Variants in GSDME observed in about 807,000 individuals in gnomAD.
GSDME encodes the protein gasdermin-E.
A neutral mutation model predicts 47.5 loss-of-function variants in GSDME; 44 were observed. The observed-to-expected ratio is 0.93, with a 90% CI of 0.73 to 1.19. GSDME has a LOEUF of 1.19. GSDME is among the 50% of genes most tolerant of loss of function. The pLI, the probability that GSDME is intolerant of heterozygous loss-of-function variation, is 0.00. For missense variants in GSDME, 663 were observed against 604.2 expected, an observed-to-expected ratio of 1.10 and a Z score of -1.02; for synonymous variants, 258 against 252.8, an observed-to-expected ratio of 1.02 and a Z score of -0.20.
At chr7:24,777,903 A>G in the GSDME span, among the ~76,000 whole-genome samples, 1 of 152,062 alleles carries the variant, frequency 6.6e-6, no homozygotes, top group Middle Eastern at 3.2e-3. Context: ...TGAAACCATA[A>G]TTCTTTTTCC....
rs1425738162 is a variant in GSDME, at chr7:24,698,949, T to C, written c.*77A>G. 12 of 987,096 alleles carry C rather than the reference T, an allele frequency of 1.2e-5. No individual in the cohort carries two copies. Among genetic ancestry groups the C allele is most frequent in the Non-Finnish European group, 1.9e-5 (12 of 629,084 alleles). 61.1% of individuals were successfully genotyped at this position (987,096 alleles called of 1,614,324 possible). The stretch of plus-strand genomic sequence containing the variant: ...GTAAATTCATTTCATTGGTCAACTT[T>C]TAACGTGCATATGACCTTTAACAGT... On this transcript the variant is annotated 3_prime_UTR_variant, in exon 10 of 10. Transcript: ENST00000645220.
rs1204127733 is a variant in GSDME at position 24,749,718 on chromosome 7, C to T, written c.57G>A (p.Leu19=). ...AGTCATTCAGATTTGATACTGCAAT[C>T]AGGTCACCATCAGCATCAACTTCTC... ...FLREVDADGD[L]IAVSNLNDSD... is the part of the protein sequence containing the mutation. The change falls in exon 2 of 10, where the codon CTG becomes CTA. Residue 19 remains leucine, a synonymous_variant. Coordinates refer to ENST00000645220, the MANE Select transcript of GSDME (RefSeq NM_001127453.2). The T allele has an allele frequency of 1.9e-6, 3 of 1,614,016 alleles. No homozygotes were observed. In the African/African-American group the frequency reaches 4.0e-5, roughly 22 times the overall value.
chr7:24,776,072 C>T, the GSDME span, among the ~76,000 whole-genome samples: 5 of 147,708 alleles, frequency 3.4e-5, no homozygotes, highest in East Asian at 8.0e-4. Flanking sequence ...CCCAGCTACT[C>T]GGAAGGCTGA....
chr7:24,763,016 G>A, the GSDME span, among the ~76,000 whole-genome samples: 46 of 152,182 alleles, frequency 3.0e-4, no homozygotes, highest in East Asian at 6.4e-3. This position sits in a 1 kb window ranked among gnomAD's most constrained non-coding sequence, Gnocchi z 4.3. Flanking sequence ...CGGCACTTTC[G>A]GGTACAGGAT....
At chr7:24,781,872 T>C in the GSDME span, among the ~76,000 whole-genome samples, 2 of 152,032 alleles carry the variant, frequency 1.3e-5, no homozygotes, top group Admixed American at 1.3e-4. Context: ...GCCTACCAAG[T>C]AGTTGGAACT....
At chr7:24,766,666 G>T in the GSDME span, among the ~76,000 whole-genome samples, 1 of 152,168 alleles carries the variant, frequency 6.6e-6, no homozygotes, top group Non-Finnish European at 1.5e-5. The surrounding 1 kb of genome is among the most constrained non-coding windows in gnomAD (Gnocchi z 4.2). Flanking sequence ...GTATTCCATG[G>T]TGTATATGTG....
Position 24,724,036 on chromosome 7 carries a change from CAG to C in GSDME, c.405-4820_405-4819del, listed in dbSNP as rs1789884792. 1.3e-5 allele frequency among the ~76,000 whole-genome samples: 2 copies of C among 152,148 alleles called. No homozygotes were observed. The highest frequency in any genetic ancestry group is 1.5e-5 in the Non-Finnish European group (1 of 68,030). On this transcript the variant is annotated intron_variant, in intron 3 of 9. Coordinates refer to ENST00000645220, the MANE Select transcript of GSDME (RefSeq NM_001127453.2). The surrounding 1 kb of genome is among the most constrained non-coding windows in gnomAD (Gnocchi z 4.8). ...TGTGAGAGCCACTGAGCAACACAGA[CAG>C]AATGGCTTTAGAGACACAGAAAACT...
intron 8 of GSDME, 79 bp downstream of exon 8, chr7:24,706,105 G>C: frequency 6.5e-7 from 1 of 1,533,998 alleles, no homozygotes; most frequent in South Asian, 1.1e-5. Context: ...TACCACCTCT[G>C]TGTCCCCAGA....
chr7:24,778,000 T>C, the GSDME span, among the ~76,000 whole-genome samples: 12 of 151,134 alleles, frequency 7.9e-5, no homozygotes, highest in African/African-American at 2.9e-4. Context: ...GCTTCCCATC[T>C]GTTTCCCATA....
At chr7:24,789,545 C>T in the GSDME span, among the ~76,000 whole-genome samples, 2 of 152,208 alleles carry the variant, frequency 1.3e-5, no homozygotes, top group Non-Finnish European at 2.9e-5. Context: ...CAGGGATTTT[C>T]ACAATGCTTT....
chr7:24,775,523 T>G, the GSDME span, among the ~76,000 whole-genome samples: 1 of 152,098 alleles, frequency 6.6e-6, no homozygotes, highest in Non-Finnish European at 1.5e-5. Context: ...GGGGACGCCT[T>G]GAGGTTGCTG....
chr7:24,770,949 T>C, the GSDME span, among the ~76,000 whole-genome samples: 2 of 146,448 alleles, frequency 1.4e-5, no homozygotes, highest in Non-Finnish European at 1.5e-5. The surrounding 1 kb of genome is among the most constrained non-coding windows in gnomAD (Gnocchi z 4.6). Context: ...AATGGAAATA[T>C]AAGAAGAGAG....
the GSDME span, among the ~76,000 whole-genome samples, chr7:24,773,372 C>A: frequency 1.3e-5 from 2 of 152,164 alleles, no homozygotes; most frequent in African/African-American, 4.8e-5. The surrounding 1 kb of genome is among the most constrained non-coding windows in gnomAD (Gnocchi z 5.4). Context: ...TAGGATAAAG[C>A]ACTATTATTA....
rs750730461 is a variant in GSDME, at chr7:24,710,335, C to A, written c.751G>T (p.Asp251Tyr). ...QGGFENKKRI[D>Y]SVYLDPLVFR... ...ACCAGGGGGTCCAGGTAGACAGAGT[C>A]AATTCTCTTCTTGTTCTCGAAGCCA... The change falls in exon 6 of 10, where the codon GAC becomes TAC. Residue 251 changes from aspartate to tyrosine, a missense_variant. Transcript: ENST00000645220. 1.2e-6 allele frequency: 2 copies of A among 1,614,108 alleles called. No homozygotes were observed. The highest frequency in any genetic ancestry group is 1.3e-5 in the African/African-American group (1 of 74,948).
At chr7:24,778,089 G>C in the GSDME span, among the ~76,000 whole-genome samples, 1 of 150,876 alleles carries the variant, frequency 6.6e-6, no homozygotes, top group East Asian at 1.9e-4. This position sits in a 1 kb window ranked among gnomAD's most constrained non-coding sequence, Gnocchi z 5.6. Flanking sequence ...GGGGGAGGGA[G>C]AGAGAGAGAG....
intron 3 of GSDME, among the ~76,000 whole-genome samples, chr7:24,743,560 A>G (rs1790554252): frequency 6.6e-6 from 1 of 152,096 alleles, no homozygotes; most frequent in African/African-American, 2.4e-5. Flanking sequence ...TCCCTGCCCA[A>G]AACCCTCCAC....
At chr7:24,719,803 A>AT (rs370501165) in intron 3 of GSDME, among the ~76,000 whole-genome samples, 27 of 152,048 alleles carry the variant, frequency 1.8e-4, no homozygotes, top group Admixed American at 3.9e-4. Context: ...AAAAAAAAAA[A>AT]GGAAAAGAAA....
At position 24,710,221 on chromosome 7, in the gene GSDME, T is replaced by C. The variant is rs756152506; in HGVS notation, c.862+3A>G. The C allele has an allele frequency of 2.5e-6, 4 of 1,613,604 alleles. No individual in the cohort carries two copies. Among genetic ancestry groups the C allele is most frequent in the Non-Finnish European group, 3.4e-6 (4 of 1,180,010 alleles). On this transcript the variant is annotated splice_donor_region_variant and intron_variant, in intron 6 of 9. Coordinates refer to ENST00000645220, the MANE Select transcript of GSDME (RefSeq NM_001127453.2). ...CCCACTACTCCTGCCCTGCTGGCAA[T>C]ACCTTGCTTTAAAACACTTAATGGT...
rs1158627932 is a variant in GSDME, at chr7:24,732,172, CTGTT to C, written c.404+12386_404+12389del. Among the ~76,000 whole-genome samples the C allele has an allele frequency of 6.6e-6, 1 of 152,240 alleles. No individual in the cohort carries two copies. Among genetic ancestry groups the C allele is most frequent in the African/African-American group, 2.4e-5 (1 of 41,458 alleles). On this transcript the variant is annotated intron_variant, in intron 3 of 9. Transcript: ENST00000645220. This position sits in a 1 kb window ranked among gnomAD's most constrained non-coding sequence, Gnocchi z 4.8. ...AGAAGTCTTCATTGTTAGGCACAAA[CTGTT>C]TACTAAAAATAATGATTCCAGTGCT...
Sources: allele counts gnomAD v4.1 joint callset (sites outside exome capture counted in the v4.1 genomes callset), GRCh38; gene constraint gnomAD v4.1.1; non-coding constraint Gnocchi (gnomAD v3.1); transcripts MANE v1.5; gene names NCBI Gene and HGNC (gene_info 2026-07-23, HGNC 2026-07-21).